Variants in LPIN1 observed in about 807,000 individuals in gnomAD.
LPIN1 encodes lipin 1.
In LPIN1, 71 loss-of-function variants were observed where a neutral mutation model predicts 107.5. That is an observed-to-expected ratio of 0.66 (90% CI 0.55 to 0.80). LPIN1 has a LOEUF of 0.80. Ranked by LOEUF, LPIN1 falls within the 30% of genes least tolerant of loss-of-function variation. The pLI is 0.00. For missense variants in LPIN1, 1,043 were observed against 1,160.6 expected, an observed-to-expected ratio of 0.90 and a Z score of 1.47; for synonymous variants, 445 against 452.6, an observed-to-expected ratio of 0.98 and a Z score of 0.21.
At chr2:11,678,039 G>C (rs888332310) in intron 1 of LPIN1, among the ~76,000 whole-genome samples, 1 of 152,210 alleles carries the variant, frequency 6.6e-6, no homozygotes, top group Admixed American at 6.5e-5. Flanking sequence ...TCAGAGCTTC[G>C]TGAGTGCCTC....
chr2:11,782,992 T>G (rs1673828822), intron 8 of LPIN1, among the ~76,000 whole-genome samples: 1 of 152,238 alleles, frequency 6.6e-6, no homozygotes, highest in African/African-American at 2.4e-5. Context: ...ATCAAGAGTC[T>G]TTTCTATCTA....
chr2:11,805,407 C>A lies in LPIN1; in HGVS notation c.2249+251C>A, dbSNP rs62114965. On this transcript the variant is annotated intron_variant, in intron 17 of 20. Coordinates refer to ENST00000674199, the MANE Select transcript of LPIN1 (RefSeq NM_001349206.2). ...AGGGGAATTGATTACTAGGAGAACACAGATGGTGGCAGCATTAGGGGTGAG... is the reference window on the plus strand; with the variant it reads ...AGGGGAATTGATTACTAGGAGAACAAAGATGGTGGCAGCATTAGGGGTGAG... 102,888 of 584,212 alleles carry A rather than the reference C, an allele frequency of 0.18. 9,445 individuals carry two copies. Among genetic ancestry groups the A allele is most frequent in the Middle Eastern group, 0.23 (496 of 2,162 alleles). 36.2% of individuals were successfully genotyped at this position (584,212 alleles called of 1,614,324 possible). A position where few individuals can be genotyped will look rare whatever the true frequency, so the allele number is the denominator to read the frequency against.
At chr2:11,764,103 T>TATATATACACACAC (rs1553422099) in intron 1 of LPIN1, 15 of 121,844 alleles carry the variant, frequency 1.2e-4, no homozygotes, top group African/African-American at 5.0e-4. Context: ...TATATATATA[T>TATATATACACACAC]ACACACACAC....
At chr2:11,808,621 C>T (rs1679121896) in intron 17 of LPIN1, among the ~76,000 whole-genome samples, 1 of 152,088 alleles carries the variant, frequency 6.6e-6, no homozygotes, top group South Asian at 2.1e-4. Flanking sequence ...CACGAATAGT[C>T]CGAGCACTTT....
At chr2:11,785,603 C>T (rs1185254873) in intron 10 of LPIN1, among the ~76,000 whole-genome samples, 1 of 152,186 alleles carries the variant, frequency 6.6e-6, no homozygotes, top group African/African-American at 2.4e-5. Flanking sequence ...TGGGTGCAGT[C>T]AGCAGTTATC....
chr2:11,712,599 A>G (rs7588803), intron 1 of LPIN1, among the ~76,000 whole-genome samples: 23,416 of 152,034 alleles, frequency 0.15, 1,969 homozygotes, highest in East Asian at 0.3. Context: ...ATTAACTAAC[A>G]GTCAGTCAAC....
chr2:11,757,913 A>C (rs1668926313), intron 1 of LPIN1, among the ~76,000 whole-genome samples: 1 of 152,146 alleles, frequency 6.6e-6, no homozygotes, highest in Admixed American at 6.6e-5. Context: ...CCCATTAAAC[A>C]CACACTGACT....
intron 17 of LPIN1, among the ~76,000 whole-genome samples, chr2:11,807,946 C>G (rs1184628570): frequency 1.3e-5 from 2 of 152,188 alleles, no homozygotes; most frequent in Non-Finnish European, 2.9e-5. Flanking sequence ...TGCTGTTTCT[C>G]AGCCCTTCCT....
chr2:11,754,317 G>A (rs1027317563), intron 1 of LPIN1, among the ~76,000 whole-genome samples: 6 of 152,218 alleles, frequency 3.9e-5, no homozygotes, highest in African/African-American at 9.7e-5. Context: ...AGCACCTGCC[G>A]TGAGGGCAGA....
At chr2:11,699,384 A>G (rs1662748981) in intron 1 of LPIN1, among the ~76,000 whole-genome samples, 1 of 152,204 alleles carries the variant, frequency 6.6e-6, no homozygotes, top group Admixed American at 6.5e-5. Flanking sequence ...GGGTCGACCC[A>G]CAGCTTAGAC....
chr2:11,807,470 T>C (rs1473658560), intron 17 of LPIN1, among the ~76,000 whole-genome samples: 1 of 152,234 alleles, frequency 6.6e-6, no homozygotes, highest in Non-Finnish European at 1.5e-5. Context: ...TAAATCTATT[T>C]CTGTCCTTAC....
At chr2:11,738,305 A>T (rs1482552922) in intron 1 of LPIN1, among the ~76,000 whole-genome samples, 3 of 151,908 alleles carry the variant, frequency 2.0e-5, no homozygotes, top group African/African-American at 7.3e-5. Context: ...TGATGGGTGC[A>T]GCAAATCACC....
rs1674267718 is a variant in LPIN1, at chr2:11,784,949, C to T, written c.1422C>T (p.Ser474=). ...ACGGAGCCCGGTCAGCCAACCAGTC[C>T]CCGCAGTCGGTGGGCAGCTCGGGCG... ...SDNGARSANQ[S]PQSVGSSGVD... is the part of the protein sequence containing the mutation. The change falls in exon 10 of 21, where the codon TCC becomes TCT. Residue 474 remains serine (S), a synonymous_variant. Coordinates refer to ENST00000674199, the MANE Select transcript of LPIN1 (RefSeq NM_001349206.2). The T allele has an allele frequency of 2.5e-6, 4 of 1,613,946 alleles. No individual in the cohort carries two copies. In the East Asian group the frequency reaches 8.9e-5, roughly 36 times the overall value.
chr2:11,780,160 C>T (rs373382473), intron 7 of LPIN1, among the ~76,000 whole-genome samples: 2 of 152,282 alleles, frequency 1.3e-5, no homozygotes, highest in Admixed American at 6.5e-5. Flanking sequence ...GGATTATAAG[C>T]GTGAGCTGCC....
chr2:11,747,646 C>A (rs1340605890), intron 1 of LPIN1, among the ~76,000 whole-genome samples: 1 of 151,992 alleles, frequency 6.6e-6, no homozygotes, highest in Non-Finnish European at 1.5e-5. Flanking sequence ...GACTGTTTAT[C>A]CTTTGTTCCG....
chr2:11,789,434 G>A (rs1226644846), intron 12 of LPIN1, among the ~76,000 whole-genome samples: 1 of 152,154 alleles, frequency 6.6e-6, no homozygotes, highest in African/African-American at 2.4e-5. Flanking sequence ...GTGTGTGCGT[G>A]TGTGTATGTG....
At chr2:11,744,425 T>G (rs1017909779), upstream of LPIN1, among the ~76,000 whole-genome samples, 7 of 152,200 alleles carry the variant, frequency 4.6e-5, no homozygotes, top group Admixed American at 3.3e-4. Context: ...TTCTCATTGC[T>G]TGTTTATACA....
chr2:11,737,697 C>T (rs1050370558), intron 1 of LPIN1, among the ~76,000 whole-genome samples: 3 of 152,184 alleles, frequency 2.0e-5, no homozygotes, highest in Admixed American at 6.5e-5. Context: ...TACCATCTCA[C>T]GCCAGTTAGA....
chr2:11,695,556 A>T (rs1356678849), intron 1 of LPIN1, among the ~76,000 whole-genome samples: 1 of 152,092 alleles, frequency 6.6e-6, no homozygotes, highest in Non-Finnish European at 1.5e-5. Flanking sequence ...GGAGGGGAGG[A>T]GCAGATTGGT....
Sources: gnomAD v4.1 joint callset for allele counts (sites outside exome capture counted in the v4.1 genomes callset) on GRCh38, gnomAD v4.1.1 for gene constraint, MANE v1.5 for transcripts, NCBI Gene and HGNC (gene_info 2026-07-23, HGNC 2026-07-21) for gene names.